CHD5: variants seen among roughly 807,000 people sequenced by gnomAD.
CHD5 encodes chromodomain helicase DNA binding protein 5, also known as ATP-dependent chromatin remodeler CHD5.
In CHD5, 69 loss-of-function variants were observed where a neutral mutation model predicts 230.3. That is an observed-to-expected ratio of 0.30 (90% CI 0.25 to 0.37). CHD5 has a LOEUF of 0.37. CHD5 is among the 10% of genes least tolerant of loss of function. CHD5 has a pLI of 1.00. For synonymous variants in CHD5, 1,064 were observed against 1,065.9 expected, an observed-to-expected ratio of 1.00 and a Z score of 0.03; for missense variants, 1,827 against 2,622.8, an observed-to-expected ratio of 0.70 and a Z score of 6.63.
chr1:6,127,910 T>G lies in CHD5; in HGVS notation c.3903+136A>C, dbSNP rs1666587257. ...ACAGCAGGGAGGGCGGGGCTGCGGCTGGAGGGCGGGGTCACAGCTTGGAGG... is the reference window on the plus strand; with the variant it reads ...ACAGCAGGGAGGGCGGGGCTGCGGCGGGAGGGCGGGGTCACAGCTTGGAGG... On this transcript the variant is annotated intron_variant, in intron 25 of 41. Transcript: ENST00000262450. 8.6e-6 allele frequency: 6 copies of G among 697,644 alleles called. No individual in the cohort carries two copies. In the South Asian group the frequency reaches 1.1e-4, roughly 13 times the overall value. The allele number at this position is 697,644 out of a possible 1,614,324, so 43.2% of individuals were successfully genotyped here. A position where few individuals can be genotyped will look rare whatever the true frequency, so the allele number is the denominator to read the frequency against.
rs61439145 is a variant in CHD5, at chr1:6,119,815, G to GTATATATA, written c.4912+1282_4912+1289dup. Among the ~76,000 whole-genome samples, 37 of 148,940 alleles carry GTATATATA rather than the reference G, an allele frequency of 2.5e-4. No individual in the cohort carries two copies. The East Asian group carries it at 6.2e-3, about 25-fold the overall frequency. On this transcript the variant is annotated intron_variant, in intron 33 of 41. Transcript: ENST00000262450. Reference sequence around the variant, plus strand: ...CGTACGTATGTACGTACATATATACGTATATATATACGTGTATATGTATAT... The same window carrying GTATATATA: ...CGTACGTATGTACGTACATATATACGTATATATATATATATATACGTGTATATGTATAT...
intron 2 of CHD5, 51 bp from the exon 3 acceptor site, chr1:6,159,566 GAGT>G: frequency 6.6e-7 from 1 of 1,523,622 alleles, no homozygotes. Context: ...GGAACATCCA[GAGT>G]CCTGGGTGGC....
chr1:6,112,536 A>G (rs1264050674), intron 34 of CHD5, among the ~76,000 whole-genome samples: 2 of 152,200 alleles, frequency 1.3e-5, no homozygotes, highest in African/African-American at 4.8e-5. Flanking sequence ...AGCGCTGTGA[A>G]AAGTACAGTT....
At position 6,146,751 on chromosome 1, in the gene CHD5, G is replaced by A. The variant is rs751016124; in HGVS notation, c.1504C>T (p.Pro502Ser). 9 of 1,610,500 alleles carry A rather than the reference G, an allele frequency of 5.6e-6. No individual in the cohort carries two copies. Among genetic ancestry groups the A allele is most frequent in the South Asian group, 1.1e-5 (1 of 90,774 alleles). ...DVEPSLPPPK[P>S]LEGIPEREFF... Reference sequence around the variant, plus strand: ...TCTCTCTCAGGGATGCCCTCCAGGGGCTTAGGTGGAGGGAGGCTGGGCTCC... The same window carrying A: ...TCTCTCTCAGGGATGCCCTCCAGGGACTTAGGTGGAGGGAGGCTGGGCTCC... The change falls in exon 10 of 42, where the codon CCC becomes TCC. Residue 502 changes from proline (P) to serine (S), a missense_variant. Physicochemically the swap from Pro to Ser is moderately conservative, Grantham distance 74. Coordinates refer to ENST00000262450, the MANE Select transcript of CHD5 (RefSeq NM_015557.3). This position sits in a 1 kb window ranked among gnomAD's most constrained non-coding sequence, Gnocchi z 5.1.
intron 2 of CHD5, among the ~76,000 whole-genome samples, chr1:6,160,142 G>GA (rs1667146970): frequency 8.3e-6 from 1 of 121,056 alleles, no homozygotes; most frequent in Non-Finnish European, 1.7e-5. Flanking sequence ...GCCCCAGCCA[G>GA]GGAAGGGCCC....
chr1:6,112,380 A>G (rs1329298745), intron 34 of CHD5, 103 bp from the exon 35 acceptor site: 10 of 1,417,162 alleles, frequency 7.1e-6, no homozygotes, highest in Non-Finnish European at 9.7e-6. Context: ...AGTAGAAAAC[A>G]TCCTCTTGTC....
Position 6,130,523 on chromosome 1 carries a change from A to C in CHD5, c.3263-195T>G, listed in dbSNP as rs1324300555. On this transcript the variant is annotated intron_variant, in intron 21 of 41. Transcript: ENST00000262450. This position sits in a 1 kb window ranked among gnomAD's most constrained non-coding sequence, Gnocchi z 4.9. ...AGCCAGAGGAGGCCTGCCCAAGCCC[A>C]CTTAGCCCCCAGCGAGCTCTGAGCC... is the stretch of plus-strand genomic sequence containing the variant. 6.6e-6 allele frequency among the ~76,000 whole-genome samples: 1 copy of C among 152,138 alleles called. No homozygotes were observed. The highest frequency in any genetic ancestry group is 2.4e-5 in the African/African-American group (1 of 41,422).
Position 6,154,632 on chromosome 1 carries a change from C to T in CHD5, c.745+28G>A. On this transcript the variant is annotated intron_variant, in intron 5 of 41. Transcript: ENST00000262450. This position sits in a 1 kb window ranked among gnomAD's most constrained non-coding sequence, Gnocchi z 7.0. Reference sequence around the variant, plus strand: ...TGAAAGGGACCTCTTCCCAGCGGGACTAGGTGCCCACCCAACCCCAGCCTT... The same window carrying T: ...TGAAAGGGACCTCTTCCCAGCGGGATTAGGTGCCCACCCAACCCCAGCCTT... 6.5e-7 allele frequency: 1 copy of T among 1,527,128 alleles called. No individual in the cohort carries two copies. The highest frequency in any genetic ancestry group is 8.8e-7 in the Non-Finnish European group (1 of 1,135,670). The allele number at this position is 1,527,128 out of a possible 1,614,324, so 94.6% of individuals were successfully genotyped here. A position where few individuals can be genotyped will look rare whatever the true frequency, so the allele number is the denominator to read the frequency against.
chr1:6,114,063 T>A (rs1309572276), intron 33 of CHD5, among the ~76,000 whole-genome samples: 1 of 152,034 alleles, frequency 6.6e-6, no homozygotes, highest in Non-Finnish European at 1.5e-5. Context: ...GCCTGACCAA[T>A]ATGGTGAAAC....
In CHD5 at chr1:6,103,803, C is replaced by T. The variant is rs1571131906; in HGVS notation, c.*1671G>A. The T allele has an allele frequency of 6.6e-6, 1 of 152,236 alleles. No homozygotes were observed. Among genetic ancestry groups the T allele is most frequent in the Admixed American group, 6.5e-5 (1 of 15,288 alleles). The allele number at this position is 152,236 out of a possible 1,614,324, so 9.4% of individuals were successfully genotyped here. A position where few individuals can be genotyped will look rare whatever the true frequency, so the allele number is the denominator to read the frequency against. ...GGAAGGACTTGTAGGTCCCGCCCTC[C>T]GGGGTTCAGAGACAGCCTCATTATG... is the stretch of plus-strand genomic sequence containing the variant. On this transcript the variant is annotated 3_prime_UTR_variant, in exon 42 of 42. Transcript: ENST00000262450.
In CHD5 at chr1:6,155,405, A is replaced by G. The variant is rs1302922403; in HGVS notation, c.506+194T>C. On this transcript the variant is annotated intron_variant, in intron 4 of 41. Transcript: ENST00000262450. This position sits in a 1 kb window ranked among gnomAD's most constrained non-coding sequence, Gnocchi z 4.0. ...ACTCAAGGGCTGAGGGGCAGGGCCC[A>G]CAAGGGAAGGCCTGGTGGTCTGTTA... is the stretch of plus-strand genomic sequence containing the variant. Among the ~76,000 whole-genome samples the G allele has an allele frequency of 6.6e-6, 1 of 152,152 alleles. No individual in the cohort carries two copies. The highest frequency in any genetic ancestry group is 1.5e-5 in the Non-Finnish European group (1 of 68,006).
In CHD5 at chr1:6,167,682, C is replaced by G. The variant is rs553390940; in HGVS notation, c.207+468G>C. 1.3e-3 allele frequency among the ~76,000 whole-genome samples: 193 copies of G among 152,304 alleles called. 1 individual carries two copies. The highest frequency in any genetic ancestry group is 4.5e-3 in the African/African-American group (187 of 41,564). On this transcript the variant is annotated intron_variant, in intron 2 of 41. Coordinates refer to ENST00000262450, the MANE Select transcript of CHD5 (RefSeq NM_015557.3). The surrounding 1 kb of genome is among the most constrained non-coding windows in gnomAD (Gnocchi z 4.5). ...GCAGCGGAGCATGCGGCAGCCTCGC[C>G]CATCCAGAACCAGCCGAGAACCAGG...
intron 1 of CHD5, among the ~76,000 whole-genome samples, chr1:6,175,618 T>C (rs1000375405): frequency 6.6e-6 from 1 of 150,896 alleles, no homozygotes; most frequent in African/African-American, 2.4e-5. Context: ...GATGGATGAA[T>C]GAATGGTGGG....
intron 2 of CHD5, among the ~76,000 whole-genome samples, chr1:6,161,497 C>T (rs1431207621): frequency 1.3e-5 from 2 of 152,238 alleles, no homozygotes; most frequent in Non-Finnish European, 2.9e-5. Flanking sequence ...GAGTCAGCGG[C>T]GCTGCCAGCT....
At position 6,143,828 on chromosome 1, in the gene CHD5, C is replaced by A. The variant is rs139532134; in HGVS notation, c.2038G>T (p.Val680Leu). The change falls in exon 13 of 42, where the codon GTG becomes TTG. Residue 680 changes from valine to leucine, a missense_variant. Physicochemically the swap from Val to Leu is conservative, Grantham distance 32. Transcript: ENST00000262450. ...KQEKPPDTPIVDPTVKFDKQP... is the reference protein window; with the variant it reads ...KQEKPPDTPILDPTVKFDKQP... ...GCCCCACCCTCCCCACTCACGTCCA[C>A]AATGGGCGTGTCCGGCGGCTTCTCC... The A allele has an allele frequency of 7.1e-4, 1,147 of 1,609,758 alleles. 3 individuals are homozygous for A. Among genetic ancestry groups the A allele is most frequent in the South Asian group, 1.2e-3 (111 of 90,986 alleles).
chr1:6,114,439 T>C (rs1666343294), intron 33 of CHD5, among the ~76,000 whole-genome samples: 2 of 151,862 alleles, frequency 1.3e-5, no homozygotes, highest in African/African-American at 2.4e-5. Flanking sequence ...AGAAGAACCG[T>C]CTTGGGCCAC....
chr1:6,149,532 G>A (rs1571160788), intron 7 of CHD5, 120 bp from the exon 8 acceptor site: 4 of 957,414 alleles, frequency 4.2e-6, no homozygotes, highest in South Asian at 4.7e-5. Context: ...GGATGGAAAG[G>A]TGGGTGGGTG....
chr1:6,162,723 C>T (rs762562809), intron 2 of CHD5, among the ~76,000 whole-genome samples: 4 of 152,178 alleles, frequency 2.6e-5, no homozygotes, highest in Non-Finnish European at 5.9e-5. Flanking sequence ...ACAGCCAGGA[C>T]GACAAGCTGG....
At chr1:6,132,028 A>G (rs951593098) in intron 20 of CHD5, among the ~76,000 whole-genome samples, 1 of 152,204 alleles carries the variant, frequency 6.6e-6, no homozygotes, top group African/African-American at 2.4e-5. Context: ...ATTAAGTTCC[A>G]TCTCACTGCC....
Sources: allele counts gnomAD v4.1 joint callset (sites outside exome capture counted in the v4.1 genomes callset), GRCh38; gene constraint gnomAD v4.1.1; non-coding constraint Gnocchi (gnomAD v3.1); transcripts MANE v1.5; gene names NCBI Gene and HGNC (gene_info 2026-07-23, HGNC 2026-07-21).